The following ELMO1 variants were observed in gnomAD, a reference collection of about 807,000 sequenced individuals.
ELMO1 encodes engulfment and cell motility protein 1.
ELMO1 carries 26 observed loss-of-function variants against 98.9 expected under a neutral mutation model. The ratio of observed to expected loss-of-function variants is 0.26; its 90% CI spans 0.19 to 0.36. The LOEUF (loss-of-function observed/expected upper bound fraction) is 0.36, where lower values mean the gene tolerates loss of function less well. Ranked by LOEUF, ELMO1 falls within the 10% of genes least tolerant of loss-of-function variation. The pLI, the probability that ELMO1 is intolerant of heterozygous loss-of-function variation, is 1.00. For missense variants in ELMO1, 627 were observed against 935.2 expected, an observed-to-expected ratio of 0.67 and a Z score of 4.30; for synonymous variants, 346 against 346.0, an observed-to-expected ratio of 1.00 and a Z score of 0.00.
chr7:37,025,551 G>C (rs186819003), intron 15 of ELMO1, among the ~76,000 whole-genome samples: 2 of 152,110 alleles, frequency 1.3e-5, no homozygotes, highest in Non-Finnish European at 2.9e-5. Context: ...GGTCTGAATA[G>C]AACAAAAAGG....
chr7:36,954,524 C>G (rs142281953), intron 16 of ELMO1, among the ~76,000 whole-genome samples: 96 of 152,234 alleles, frequency 6.3e-4, no homozygotes, highest in Middle Eastern at 3.4e-3. Context: ...GTTCTTGGAT[C>G]CTCCCCCACA....
At chr7:37,229,828 T>G (rs1794072005) in intron 8 of ELMO1, among the ~76,000 whole-genome samples, 1 of 152,262 alleles carries the variant, frequency 6.6e-6, no homozygotes. Flanking sequence ...TTAAATGTGC[T>G]GCTTTTTAAA....
At chr7:37,413,236 C>T (rs1250480406) in intron 1 of ELMO1, among the ~76,000 whole-genome samples, 1 of 152,008 alleles carries the variant, frequency 6.6e-6, no homozygotes. Flanking sequence ...CCCTTGCACA[C>T]AAGACTTTCC....
At chr7:36,974,618 C>T (rs1027329412) in intron 16 of ELMO1, among the ~76,000 whole-genome samples, 2 of 150,978 alleles carry the variant, frequency 1.3e-5, no homozygotes, top group African/African-American at 2.5e-5. Context: ...ACAGACCACT[C>T]GGCTCTACCA....
chr7:37,439,667 A>G (rs1805311355), intron 1 of ELMO1, among the ~76,000 whole-genome samples: 1 of 152,224 alleles, frequency 6.6e-6, no homozygotes, highest in Non-Finnish European at 1.5e-5. Context: ...ATCTGTTTTT[A>G]AAATATACTA....
At chr7:37,105,922 G>C (rs1784921670) in intron 14 of ELMO1, among the ~76,000 whole-genome samples, 1 of 152,202 alleles carries the variant, frequency 6.6e-6, no homozygotes, top group South Asian at 2.1e-4. Flanking sequence ...TTTCTGGGAT[G>C]ATGATCATGT....
At chr7:37,293,029 G>A (rs374883742) in intron 4 of ELMO1, among the ~76,000 whole-genome samples, 4 of 43,084 alleles carry the variant, frequency 9.3e-5, no homozygotes, top group East Asian at 1.4e-3. Context: ...CAGCCGCCCC[G>A]TCCGGGAGGG....
chr7:37,312,593 G>A (rs1006985010), intron 4 of ELMO1, among the ~76,000 whole-genome samples: 1 of 152,176 alleles, frequency 6.6e-6, no homozygotes, highest in African/African-American at 2.4e-5. Flanking sequence ...AGTCTCTGGG[G>A]TTGGGATCTA....
At chr7:36,998,414 AT>A (rs1045729393) in intron 16 of ELMO1, among the ~76,000 whole-genome samples, 2 of 151,708 alleles carry the variant, frequency 1.3e-5, no homozygotes, top group African/African-American at 2.4e-5. Flanking sequence ...TTATCCTTTA[AT>A]TTTTTTTCTA....
At chr7:36,979,166 A>G (rs1207328116) in intron 16 of ELMO1, among the ~76,000 whole-genome samples, 4 of 152,162 alleles carry the variant, frequency 2.6e-5, no homozygotes, top group Admixed American at 1.3e-4. Flanking sequence ...GAATAATCTG[A>G]AAGTAGAGAG....
chr7:36,973,437 T>C (rs1790154313), intron 16 of ELMO1, among the ~76,000 whole-genome samples: 1 of 152,234 alleles, frequency 6.6e-6, no homozygotes, highest in African/African-American at 2.4e-5. Context: ...AGCAATAGAC[T>C]GAGTGAGGGC....
At position 36,970,643 on chromosome 7, in the gene ELMO1, GA is replaced by G. The variant is rs1275801851; in HGVS notation, c.1437+42655del. ...GTATACACTTGATAAAGGTTTTGTT[GA>G]ATCACTGAATACTGGTGACAAGTGA... On this transcript the variant is annotated intron_variant, in intron 16 of 21. Coordinates refer to ENST00000310758, the MANE Select transcript of ELMO1 (RefSeq NM_014800.11). Among the ~76,000 whole-genome samples the G allele has an allele frequency of 4.2e-3, 645 of 152,240 alleles. 10 individuals carry two copies. Among genetic ancestry groups the G allele is most frequent in the African/African-American group, 0.015 (615 of 41,534 alleles).
At chr7:37,290,739 T>C (rs1416605922) in intron 4 of ELMO1, among the ~76,000 whole-genome samples, 8 of 152,222 alleles carry the variant, frequency 5.3e-5, no homozygotes, top group Non-Finnish European at 1.2e-4. Context: ...TGCAAATTTT[T>C]CCCAAAATTA....
chr7:37,074,538 G>C (rs1797458874), intron 15 of ELMO1, among the ~76,000 whole-genome samples: 1 of 152,236 alleles, frequency 6.6e-6, no homozygotes, highest in Non-Finnish European at 1.5e-5. Flanking sequence ...TGGGTTCCCA[G>C]GAGGGCGAGG....
At chr7:37,131,234 T>C (rs1786899142) in intron 14 of ELMO1, among the ~76,000 whole-genome samples, 1 of 152,026 alleles carries the variant, frequency 6.6e-6, no homozygotes, top group African/African-American at 2.4e-5. Flanking sequence ...GAAAGGACAC[T>C]TCTGAGAAAT....
chr7:36,961,481 G>C (rs190613269), intron 16 of ELMO1, among the ~76,000 whole-genome samples: 251 of 152,250 alleles, frequency 1.6e-3, no homozygotes, highest in African/African-American at 5.7e-3. Context: ...GAAAATTACA[G>C]AGTTTTAATC....
rs1805881880 is a variant in ELMO1 at position 36,895,033 on chromosome 7, AG to A, written c.1438-17del. ...CCTGCATTACCTGAAGATGAAAGGA[AG>A]ACCATCATTTTCCTGGGGGCTGACC... On this transcript the variant is annotated splice_polypyrimidine_tract_variant and intron_variant, in intron 16 of 21. Coordinates refer to ENST00000310758, the MANE Select transcript of ELMO1 (RefSeq NM_014800.11). 1 of 1,611,616 alleles carries A rather than the reference AG, an allele frequency of 6.2e-7. No individual in the cohort carries two copies. The highest frequency in any genetic ancestry group is 1.3e-5 in the African/African-American group (1 of 74,852).
At chr7:37,381,076 A>G (rs988646789) in intron 1 of ELMO1, among the ~76,000 whole-genome samples, 1 of 152,248 alleles carries the variant, frequency 6.6e-6, no homozygotes, top group African/African-American at 2.4e-5. Context: ...CAGGCAACTC[A>G]AATTTTTCAT....
chr7:37,039,326 G>A (rs17170843), intron 15 of ELMO1, among the ~76,000 whole-genome samples: 13,342 of 152,062 alleles, frequency 0.088, 762 homozygotes, highest in African/African-American at 0.17. Context: ...CTGCTTTGAC[G>A]CCTAGAAGCC....
Sources: gnomAD v4.1 joint callset for allele counts (sites outside exome capture counted in the v4.1 genomes callset) on GRCh38, gnomAD v4.1.1 for gene constraint, MANE v1.5 for transcripts, NCBI Gene and HGNC (gene_info 2026-07-23, HGNC 2026-07-21) for gene names.